RGS6: variants seen among roughly 807,000 people sequenced by gnomAD.
RGS6 encodes the protein regulator of G-protein signaling 6.
In RGS6, 30 loss-of-function variants were observed where a neutral mutation model predicts 78.5. The observed-to-expected ratio is 0.38, with a 90% CI of 0.29 to 0.52. RGS6 has a LOEUF of 0.52. Among genes scored for constraint, RGS6 ranks in the 20% least tolerant of loss-of-function variants. The pLI is 0.85. For synonymous variants in RGS6, 206 were observed against 206.0 expected, an observed-to-expected ratio of 1.00 and a Z score of 0.00; for missense variants, 495 against 609.7, an observed-to-expected ratio of 0.81 and a Z score of 1.98.
chr14:72,386,577 A>C (rs1043516750), intron 3 of RGS6, among the ~76,000 whole-genome samples: 59 of 152,190 alleles, frequency 3.9e-4, no homozygotes, highest in African/African-American at 1.4e-3. Flanking sequence ...TTCCCAGAGC[A>C]TTTGGGAAGC....
chr14:71,876,010 C>T, the RGS6 span, among the ~76,000 whole-genome samples: 1 of 152,130 alleles, frequency 6.6e-6, no homozygotes, highest in African/African-American at 2.4e-5. Context: ...GTCTGAGAGA[C>T]AATTTCTTAT....
At chr14:72,021,481 T>C (rs1386029033) in intron 2 of RGS6, among the ~76,000 whole-genome samples, 2 of 148,416 alleles carry the variant, frequency 1.3e-5, no homozygotes. Context: ...TTTTTTTTTT[T>C]TTTTGAGATG....
the RGS6 span, among the ~76,000 whole-genome samples, chr14:71,897,880 CACTT>C: frequency 6.6e-6 from 1 of 152,042 alleles, no homozygotes; most frequent in Admixed American, 6.6e-5. Flanking sequence ...GTTCAATGCT[CACTT>C]AAACATTTTT....
intron 3 of RGS6, among the ~76,000 whole-genome samples, chr14:72,412,803 G>T (rs2093519102): frequency 1.3e-5 from 2 of 152,064 alleles, no homozygotes; most frequent in African/African-American, 4.8e-5. Flanking sequence ...ACATCTTTAT[G>T]TCTGCCTTCA....
intron 2 of RGS6, among the ~76,000 whole-genome samples, chr14:72,144,030 C>G (rs2096575576): frequency 6.6e-6 from 1 of 152,070 alleles, no homozygotes; most frequent in African/African-American, 2.4e-5. Flanking sequence ...TCAAACTCAT[C>G]ATTGAGACAT....
the RGS6 span, among the ~76,000 whole-genome samples, chr14:71,907,477 G>A: frequency 6.6e-6 from 1 of 152,186 alleles, no homozygotes. Flanking sequence ...GAACCAAGGG[G>A]AGAGGGGCAA....
At chr14:72,063,997 C>T (rs553848164) in intron 2 of RGS6, among the ~76,000 whole-genome samples, 1 of 152,058 alleles carries the variant, frequency 6.6e-6, no homozygotes, top group South Asian at 2.1e-4. Flanking sequence ...CAGTGTAGTT[C>T]TTTGTTTTTC....
intron 2 of RGS6, among the ~76,000 whole-genome samples, chr14:72,232,834 G>A (rs557058221): frequency 3.9e-5 from 6 of 152,222 alleles, no homozygotes; most frequent in Non-Finnish European, 7.3e-5. Flanking sequence ...GTGCTGGGAT[G>A]GGAGCTGAGG....
the RGS6 span, among the ~76,000 whole-genome samples, chr14:71,881,123 C>A: frequency 1.3e-5 from 2 of 151,958 alleles, no homozygotes; most frequent in African/African-American, 4.8e-5. Context: ...GACCTTCAGC[C>A]CCTTCATTTT....
chr14:71,913,171 T>G, the RGS6 span, among the ~76,000 whole-genome samples: 1 of 152,210 alleles, frequency 6.6e-6, no homozygotes, highest in Non-Finnish European at 1.5e-5. Context: ...CACTTCATTT[T>G]AATGCTAAAA....
At chr14:72,488,707 G>A (rs1421792123) in intron 12 of RGS6, among the ~76,000 whole-genome samples, 2 of 152,170 alleles carry the variant, frequency 1.3e-5, no homozygotes, top group Non-Finnish European at 2.9e-5. Flanking sequence ...GGGACCAGGT[G>A]CTGGCTGAAC....
At chr14:72,379,685 A>C (rs530414432) in intron 3 of RGS6, among the ~76,000 whole-genome samples, 3 of 152,284 alleles carry the variant, frequency 2.0e-5, no homozygotes, top group Admixed American at 6.5e-5. Context: ...GAGGATACAA[A>C]TGGAAAGACA....
At chr14:72,257,273 A>G (rs979142602) in intron 2 of RGS6, among the ~76,000 whole-genome samples, 1 of 152,238 alleles carries the variant, frequency 6.6e-6, no homozygotes, top group Non-Finnish European at 1.5e-5. Context: ...ATCACATTAA[A>G]GCAGGCTCAT....
chr14:72,466,647 C>T (rs1315572640), intron 7 of RGS6, among the ~76,000 whole-genome samples: 1 of 152,176 alleles, frequency 6.6e-6, no homozygotes, highest in Non-Finnish European at 1.5e-5. Context: ...CCAGCCATTC[C>T]ATTTATAGGA....
At position 72,105,396 on chromosome 14, in the gene RGS6, G is replaced by A. The variant is rs563355171; in HGVS notation, c.84+140521G>A. ...TTAATATTCTGAGGGCAAGGATCATGTTCTATTCCTTTTTGTACTTTTCAT... is the reference window on the plus strand; with the variant it reads ...TTAATATTCTGAGGGCAAGGATCATATTCTATTCCTTTTTGTACTTTTCAT... On this transcript the variant is annotated intron_variant, in intron 2 of 17. Coordinates refer to ENST00000553525, the MANE Select transcript of RGS6 (RefSeq NM_001204424.2). 2.6e-5 allele frequency among the ~76,000 whole-genome samples: 4 copies of A among 152,310 alleles called. No homozygotes were observed. In the East Asian group the frequency reaches 5.8e-4, roughly 22 times the overall value.
intron 2 of RGS6, among the ~76,000 whole-genome samples, chr14:72,086,672 C>A (rs1312338751): frequency 6.6e-6 from 1 of 152,162 alleles, no homozygotes; most frequent in Non-Finnish European, 1.5e-5. Context: ...AACTGTGAAC[C>A]ACCCTGCCTC....
intron 17 of RGS6, among the ~76,000 whole-genome samples, chr14:72,551,575 G>A (rs1009466279): frequency 3.3e-5 from 5 of 152,114 alleles, no homozygotes; most frequent in South Asian, 2.1e-4. Flanking sequence ...TGAGAACAAC[G>A]GTCCCTTTAG....
In RGS6 at chr14:72,211,451, C is replaced by T. The variant is rs527323634; in HGVS notation, c.85-140644C>T. On this transcript the variant is annotated intron_variant, in intron 2 of 17. Coordinates refer to ENST00000553525, the MANE Select transcript of RGS6 (RefSeq NM_001204424.2). Reference sequence around the variant, plus strand: ...AGCTAAGGCAGTTGAGCTGTGGGTACGGACACTTCCTTCAGATTAGCTGTA... The same window carrying T: ...AGCTAAGGCAGTTGAGCTGTGGGTATGGACACTTCCTTCAGATTAGCTGTA... Among the ~76,000 whole-genome samples, 156 of 152,148 alleles carry T rather than the reference C, an allele frequency of 1.0e-3. 1 individual carries two copies. The highest frequency in any genetic ancestry group is 3.4e-3 in the African/African-American group (141 of 41,508).
chr14:72,107,360 C>G (rs1461267717), intron 2 of RGS6, among the ~76,000 whole-genome samples: 2 of 152,168 alleles, frequency 1.3e-5, no homozygotes, highest in Non-Finnish European at 2.9e-5. Context: ...GCCTCTTCAA[C>G]TTGGCTCTTG....
Sources: gnomAD v4.1 joint callset for allele counts (sites outside exome capture counted in the v4.1 genomes callset) on GRCh38, gnomAD v4.1.1 for gene constraint, MANE v1.5 for transcripts, NCBI Gene and HGNC (gene_info 2026-07-23, HGNC 2026-07-21) for gene names.